The following SERPINB5 variants were observed in gnomAD, a reference collection of about 807,000 sequenced individuals.
The protein encoded by SERPINB5 is serpin family B member 5.
A neutral mutation model predicts 32.2 loss-of-function variants in SERPINB5; 27 were observed. The ratio of observed to expected loss-of-function variants is 0.84; its 90% CI spans 0.62 to 1.16. The LOEUF is 1.16. Among genes scored for constraint, SERPINB5 ranks in the 50% most tolerant of loss-of-function variants. SERPINB5 has a pLI of 0.00. For synonymous variants in SERPINB5, 154 were observed against 157.4 expected, an observed-to-expected ratio of 0.98 and a Z score of 0.16; for missense variants, 388 against 436.3, an observed-to-expected ratio of 0.89 and a Z score of 0.99.
At position 63,504,166 on chromosome 18, in the gene SERPINB5, C is replaced by A. The variant is rs1293019304; in HGVS notation, c.*444C>A. 1.2e-5 allele frequency: 2 copies of A among 170,804 alleles called. No individual in the cohort carries two copies. Among genetic ancestry groups the A allele is most frequent in the Non-Finnish European group, 1.2e-5 (1 of 81,492 alleles). The allele number at this position is 170,804 out of a possible 1,614,324, so 10.6% of individuals were successfully genotyped here. A position where few individuals can be genotyped will look rare whatever the true frequency, so the allele number is the denominator to read the frequency against. ...TGAAGAAAGTGTAGTGCATGGGACC[C>A]ACGAAACTGCCCTGGCTCCAGTGAA... On this transcript the variant is annotated 3_prime_UTR_variant, in exon 7 of 7. Coordinates refer to ENST00000382771, the MANE Select transcript of SERPINB5 (RefSeq NM_002639.5).
Position 63,503,442 on chromosome 18 carries a change from A to G in SERPINB5, c.848A>G (p.Asp283Gly), listed in dbSNP as rs1341061735. The change falls in exon 7 of 7, where the codon GAT becomes GGT. Residue 283 changes from aspartate to glycine, a missense_variant. Asp to Gly is a moderately conservative substitution (Grantham distance 94). Transcript: ENST00000382771. ...IPKFKVEKMI[D>G]PKACLENLGL... is the part of the protein sequence containing the mutation. ...AAATTTAAGGTGGAAAAGATGATTG[A>G]TCCCAAGGCTTGTCTGGAAAATCTA... 19 of 1,614,164 alleles carry G rather than the reference A, an allele frequency of 1.2e-5. No individual in the cohort carries two copies. Among genetic ancestry groups the G allele is most frequent in the African/African-American group, 2.7e-5 (2 of 74,952 alleles).
intron 1 of SERPINB5, among the ~76,000 whole-genome samples, chr18:63,481,807 C>T (rs1917131464): frequency 1.3e-5 from 2 of 152,206 alleles, no homozygotes. Context: ...CCTCAGTATA[C>T]CCTGCTGACC....
chr18:63,484,375 G>C lies in SERPINB5; in HGVS notation c.-7-47G>C, dbSNP rs540529104. 7.8e-6 allele frequency: 12 copies of C among 1,546,390 alleles called. No homozygotes were observed. In the African/African-American group the frequency reaches 1.7e-4, roughly 21 times the overall value. ...GTTGGCAGAATGCAGTTGAGAAGACGTTAAAGATGCTTTAGAAACTAACTG... is the reference window on the plus strand; with the variant it reads ...GTTGGCAGAATGCAGTTGAGAAGACCTTAAAGATGCTTTAGAAACTAACTG... On this transcript the variant is annotated intron_variant, in intron 1 of 6. Transcript: ENST00000382771.
intron 6 of SERPINB5, among the ~76,000 whole-genome samples, chr18:63,501,081 A>C (rs1053548434): frequency 1.3e-5 from 2 of 151,782 alleles, no homozygotes; most frequent in African/African-American, 2.4e-5. Flanking sequence ...TTTAGGGTAC[A>C]TGTGCACAAT....
intron 6 of SERPINB5, among the ~76,000 whole-genome samples, chr18:63,502,525 TA>T (rs35618498): frequency 2.7e-4 from 39 of 146,394 alleles, no homozygotes; most frequent in Middle Eastern, 3.5e-3. Context: ...AAATTCCCAT[TA>T]AAAAAAAAAA....
chr18:63,482,843 A>G (rs1339853738), intron 1 of SERPINB5, among the ~76,000 whole-genome samples: 2 of 150,510 alleles, frequency 1.3e-5, no homozygotes, highest in East Asian at 3.9e-4. Context: ...TAATAATTAA[A>G]TACTAATATG....
intron 4 of SERPINB5, among the ~76,000 whole-genome samples, chr18:63,491,865 G>A (rs1268322275): frequency 6.6e-6 from 1 of 152,028 alleles, no homozygotes; most frequent in Non-Finnish European, 1.5e-5. Flanking sequence ...TGTTCTTCAG[G>A]TTTCTTCAAT....
intron 4 of SERPINB5, chr18:63,490,473 T>C (rs1337866969): frequency 6.6e-6 from 1 of 152,210 alleles, no homozygotes; most frequent in Non-Finnish European, 1.5e-5. Flanking sequence ...TATTTATAAT[T>C]GCATCTGGAG....
intron 1 of SERPINB5, among the ~76,000 whole-genome samples, chr18:63,480,907 TG>T (rs1275947754): frequency 6.6e-6 from 1 of 152,190 alleles, no homozygotes. Context: ...AAGGGCTGTA[TG>T]ACCTTCCCAG....
chr18:63,497,809 G>A (rs531943701), intron 5 of SERPINB5, among the ~76,000 whole-genome samples: 1 of 152,094 alleles, frequency 6.6e-6, no homozygotes, highest in Non-Finnish European at 1.5e-5. Context: ...TTCCTCCCCA[G>A]TGGTAACCAT....
Position 63,486,959 on chromosome 18 carries a change from A to C in SERPINB5, c.182A>C (p.Glu61Ala). The C allele has an allele frequency of 1.2e-6, 2 of 1,614,024 alleles. No homozygotes were observed. Among genetic ancestry groups the C allele is most frequent in the Non-Finnish European group, 8.5e-7 (1 of 1,179,966 alleles). Residue 61 changes from glutamate (E) to alanine (A), a missense_variant, in exon 3 of 7, where the codon GAA becomes GCA. By Grantham distance (107) the Glu-to-Ala change is moderately radical. Coordinates refer to ENST00000382771, the MANE Select transcript of SERPINB5 (RefSeq NM_002639.5). ...ANEIGQVLHF[E>A]NVKDVPFGFQ... Reference sequence around the variant, plus strand: ...TTCTCTTAACAGGTTCTTCATTTTGAAAATGTCAAAGATGTACCCTTTGGA... The same window carrying C: ...TTCTCTTAACAGGTTCTTCATTTTGCAAATGTCAAAGATGTACCCTTTGGA...
chr18:63,484,099 T>C (rs1296176760), intron 1 of SERPINB5, among the ~76,000 whole-genome samples: 3 of 152,240 alleles, frequency 2.0e-5, no homozygotes, highest in Non-Finnish European at 4.4e-5. Context: ...CAACTGATGT[T>C]GATTAGTGCT....
Position 63,484,274 on chromosome 18 carries a change from T to C in SERPINB5, c.-7-148T>C, listed in dbSNP as rs1917170354. 3 of 813,142 alleles carry C rather than the reference T, an allele frequency of 3.7e-6. No individual in the cohort carries two copies. The South Asian group carries it at 6.1e-5, about 16-fold the overall frequency. 50.4% of individuals were successfully genotyped at this position (813,142 alleles called of 1,614,324 possible). A position where few individuals can be genotyped will look rare whatever the true frequency, so the allele number is the denominator to read the frequency against. The stretch of plus-strand genomic sequence containing the variant: ...TGCCTGGAAGTTTCTTCACAACTGA[T>C]CTTACTTTTGAATTTACAGAAAGTT... On this transcript the variant is annotated intron_variant, in intron 1 of 6. Transcript: ENST00000382771.
At chr18:63,484,148 C>G (rs930428373) in intron 1 of SERPINB5, among the ~76,000 whole-genome samples, 1 of 152,100 alleles carries the variant, frequency 6.6e-6, no homozygotes, top group African/African-American at 2.4e-5. Flanking sequence ...GAGATGTGAC[C>G]ACTGGGCTCC....
intron 2 of SERPINB5, among the ~76,000 whole-genome samples, chr18:63,484,819 C>G (rs1311583883): frequency 7.6e-6 from 1 of 131,160 alleles, no homozygotes; most frequent in Admixed American, 9.2e-5. Flanking sequence ...GCGATGTTGG[C>G]TCACTGCAGC....
chr18:63,495,971 C>T (rs1276738263), intron 5 of SERPINB5, among the ~76,000 whole-genome samples: 1 of 152,198 alleles, frequency 6.6e-6, no homozygotes, highest in Non-Finnish European at 1.5e-5. Flanking sequence ...GTGGTGTCTC[C>T]GGTAAGGGTT....
rs1362419385 is a variant in SERPINB5, at chr18:63,498,726, C to T, written c.568-394C>T. Among the ~76,000 whole-genome samples, 1 of 151,220 alleles carries T rather than the reference C, an allele frequency of 6.6e-6. No homozygotes were observed. The highest frequency in any genetic ancestry group is 6.6e-5 in the Admixed American group (1 of 15,140). ...TGAATTATAAGCCATAATAATCTGA[C>T]ACTGTGTCAAGAGCAAATTTGTGTA... On this transcript the variant is annotated intron_variant, in intron 5 of 6. Transcript: ENST00000382771. The surrounding 1 kb of genome is among the most constrained non-coding windows in gnomAD (Gnocchi z 4.2).
At position 63,503,394 on chromosome 18, in the gene SERPINB5, C is replaced by G; in HGVS notation, c.800C>G (p.Ala267Gly). 1.2e-6 allele frequency: 2 copies of G among 1,614,222 alleles called. No individual in the cohort carries two copies. The highest frequency in any genetic ancestry group is 8.5e-7 in the Non-Finnish European group (1 of 1,180,026). Residue 267 changes from alanine (A) to glycine (G), a missense_variant, in exon 7 of 7, where the codon GCC (alanine) becomes GGC (glycine). Ala to Gly is a moderately conservative substitution (Grantham distance 60). Coordinates refer to ENST00000382771, the MANE Select transcript of SERPINB5 (RefSeq NM_002639.5). ...ACTAATCCCAGCACCATGGCCAATG[C>G]CAAGGTCAAACTCTCCATTCCAAAA... Reference protein sequence around the residue: ...QWTNPSTMANAKVKLSIPKFK... With the variant: ...QWTNPSTMANGKVKLSIPKFK...
chr18:63,485,084 C>T (rs62100031), intron 2 of SERPINB5, among the ~76,000 whole-genome samples: 71,732 of 151,862 alleles, frequency 0.47, 19,163 homozygotes, highest in Non-Finnish European at 0.61. Flanking sequence ...CTGGGACAGG[C>T]ACCAGGCTGT....
Sources: gnomAD v4.1 joint callset for allele counts (sites outside exome capture counted in the v4.1 genomes callset) on GRCh38, gnomAD v4.1.1 for gene constraint, Gnocchi (gnomAD v3.1) non-coding constraint, MANE v1.5 for transcripts, NCBI Gene and HGNC (gene_info 2026-07-23, HGNC 2026-07-21) for gene names.